AATF: variants seen among roughly 807,000 people sequenced by gnomAD.
AATF encodes the protein apoptosis antagonizing transcription factor, also known as protein AATF.
A neutral mutation model predicts 63.7 loss-of-function variants in AATF; 48 were observed. The ratio of observed to expected loss-of-function variants is 0.75; its 90% CI spans 0.60 to 0.96. The LOEUF is 0.96. Ranked by LOEUF, AATF falls within the 40% of genes least tolerant of loss-of-function variation. The pLI, the probability that AATF is intolerant of heterozygous loss-of-function variation, is 0.00. For missense variants in AATF, 639 were observed against 685.7 expected (o/e 0.93, Z 0.76); for synonymous variants, 258 against 247.7 (o/e 1.04, Z -0.39).
intron 11 of AATF, among the ~76,000 whole-genome samples, chr17:37,032,346 T>C (rs565890816): frequency 2.1e-4 from 32 of 152,320 alleles, no homozygotes; most frequent in African/African-American, 7.2e-4. Context: ...ATATTAAAAT[T>C]GTCCCAGATA....
At chr17:37,038,826 T>G (rs990945150) in intron 11 of AATF, among the ~76,000 whole-genome samples, 2 of 152,204 alleles carry the variant, frequency 1.3e-5, no homozygotes, top group African/African-American at 4.8e-5. Flanking sequence ...GATCCTTTAA[T>G]GATAAGTACT....
Position 37,056,807 on chromosome 17 carries a change from G to A in AATF, c.*143G>A, listed in dbSNP as rs1035949428. The stretch of plus-strand genomic sequence containing the variant: ...CGTTCCGAACCTGTGCCTAATACAC[G>A]CAAGGGCGCTGTCCCGCCCAACCCC... On this transcript the variant is annotated 3_prime_UTR_variant, in exon 12 of 12. Coordinates refer to ENST00000619387, the MANE Select transcript of AATF (RefSeq NM_012138.4). The A allele has an allele frequency of 3.5e-6, 3 of 848,134 alleles. No individual in the cohort carries two copies. The highest frequency in any genetic ancestry group is 2.7e-5 in the East Asian group (1 of 37,620). The allele number at this position is 848,134 out of a possible 1,614,324, so 52.5% of individuals were successfully genotyped here.
chr17:36,961,440 T>C (rs62072264), intron 4 of AATF, among the ~76,000 whole-genome samples: 51,993 of 152,086 alleles, frequency 0.34, 11,177 homozygotes, highest in Non-Finnish European at 0.48. Context: ...ATCAAAGATA[T>C]TATAATTTCA....
In AATF at chr17:36,971,261, AG is replaced by A. The variant is rs1269204673; in HGVS notation, c.833-15355del. 2.0e-5 allele frequency among the ~76,000 whole-genome samples: 3 copies of A among 152,250 alleles called. No individual in the cohort carries two copies. In the East Asian group the frequency reaches 5.8e-4, roughly 29 times the overall value. ...ACCCATTCAAAAAAAAATGGGCAAA[AG>A]ATTGGACACTTTACCAAAGACAATA... On this transcript the variant is annotated intron_variant, in intron 4 of 11. Coordinates refer to ENST00000619387, the MANE Select transcript of AATF (RefSeq NM_012138.4).
intron 10 of AATF, among the ~76,000 whole-genome samples, chr17:37,023,858 C>T (rs1280632120): frequency 1.3e-5 from 2 of 151,986 alleles, no homozygotes; most frequent in Non-Finnish European, 2.9e-5. Flanking sequence ...CCCACCCCTG[C>T]AGAAACCAAA....
At chr17:36,952,130 A>G (rs560345145) in intron 2 of AATF, among the ~76,000 whole-genome samples, 21 of 152,378 alleles carry the variant, frequency 1.4e-4, no homozygotes, top group Middle Eastern at 3.4e-3. Context: ...TTCCTTGTGC[A>G]TCCTGCACTC....
intron 6 of AATF, 133 bp from the exon 7 acceptor site, chr17:36,989,114 T>C: frequency 9.5e-7 from 1 of 1,051,390 alleles, no homozygotes; most frequent in Non-Finnish European, 1.4e-6. Context: ...ACAAACTCAG[T>C]CCTTTACAGA....
chr17:36,967,548 A>G (rs2071000397), intron 4 of AATF, among the ~76,000 whole-genome samples: 1 of 152,090 alleles, frequency 6.6e-6, no homozygotes, highest in Non-Finnish European at 1.5e-5. Context: ...TCACCTTCTC[A>G]GGTGTCCAGC....
intron 11 of AATF, chr17:37,051,387 A>G (rs955167345): frequency 2.0e-5 from 3 of 152,232 alleles, no homozygotes; most frequent in Non-Finnish European, 4.4e-5. Context: ...AAAGCCCCAC[A>G]CAGATTATTT....
chr17:36,990,690 C>A, intron 7 of AATF, 84 bp from the exon 8 acceptor site: 1 of 836,394 alleles, frequency 1.2e-6, no homozygotes, highest in Non-Finnish European at 1.9e-6. Context: ...AGTGCTTTGA[C>A]TGTTCTACAT....
At chr17:37,020,827 A>G (rs1597728534) in intron 9 of AATF, 107 bp from the exon 10 acceptor site, 1 of 857,132 alleles carries the variant, frequency 1.2e-6, no homozygotes, top group Non-Finnish European at 1.8e-6. Flanking sequence ...AACTTGATGT[A>G]GGTTGATGAT....
intron 8 of AATF, among the ~76,000 whole-genome samples, chr17:36,991,228 G>A (rs1163408643): frequency 6.6e-6 from 1 of 152,142 alleles, no homozygotes; most frequent in African/African-American, 2.4e-5. Context: ...CGTGGAGCTG[G>A]AGGGCTGGGA....
intron 11 of AATF, among the ~76,000 whole-genome samples, chr17:37,038,421 C>T (rs1403363135): frequency 3.3e-5 from 5 of 152,112 alleles, no homozygotes; most frequent in Non-Finnish European, 7.4e-5. Flanking sequence ...AAGGGACATT[C>T]ATGTGAACCT....
chr17:36,995,698 G>A (rs2071249532), intron 8 of AATF, among the ~76,000 whole-genome samples: 1 of 151,932 alleles, frequency 6.6e-6, no homozygotes. Context: ...CTCCCAAGTA[G>A]CTGGGACTAT....
chr17:36,984,675 G>C (rs1044381183), intron 4 of AATF, among the ~76,000 whole-genome samples: 1 of 152,072 alleles, frequency 6.6e-6, no homozygotes, highest in Non-Finnish European at 1.5e-5. Context: ...TCGCTCTGTT[G>C]CCCAGGCTGG....
intron 8 of AATF, among the ~76,000 whole-genome samples, chr17:37,010,669 G>A (rs910940562): frequency 6.6e-6 from 1 of 152,174 alleles, no homozygotes; most frequent in African/African-American, 2.4e-5. Context: ...ATGTGTGTGA[G>A]TGCAGCTGTG....
chr17:36,953,208 CAGTG>C lies in AATF; in HGVS notation c.609_612del (p.Ser203ArgfsTer6). Reference sequence around the variant, plus strand: ...AGGAAGACAGGGCTGGAGATAGAAACAGTGAGGATGATGGTGTGGTGATGACCTT... The same window carrying C: ...AGGAAGACAGGGCTGGAGATAGAAACAGGATGATGGTGTGGTGATGACCTT... On this transcript the variant is annotated frameshift_variant, in exon 3 of 12. Transcript: ENST00000619387. LOFTEE classifies it high-confidence loss of function. 6.2e-7 allele frequency: 1 copy of C among 1,614,126 alleles called. No homozygotes were observed. The highest frequency in any genetic ancestry group is 8.5e-7 in the Non-Finnish European group (1 of 1,180,026).
intron 10 of AATF, among the ~76,000 whole-genome samples, chr17:37,028,952 A>AATAT (rs146684070): frequency 2.0e-5 from 3 of 151,170 alleles, no homozygotes; most frequent in African/African-American, 7.3e-5. Flanking sequence ...AAATTGTGTG[A>AATAT]ATATATATAT....
chr17:36,992,614 A>AT (rs5820200), intron 8 of AATF, among the ~76,000 whole-genome samples: 24,484 of 138,200 alleles, frequency 0.18, 4,857 homozygotes, highest in African/African-American at 0.5. Context: ...CTTAGTCTGA[A>AT]TTTTTTTTTT....
Sources: allele counts gnomAD v4.1 joint callset (sites outside exome capture counted in the v4.1 genomes callset), GRCh38; gene constraint gnomAD v4.1.1; transcripts MANE v1.5; gene names NCBI Gene and HGNC (gene_info 2026-07-23, HGNC 2026-07-21).